RBM23: variants seen among roughly 807,000 people sequenced by gnomAD.
The protein encoded by RBM23 is probable RNA-binding protein 23.
Under a neutral mutation model 56.2 loss-of-function variants are expected in RBM23, and 53 were observed. The observed-to-expected ratio is 0.94, with a 90% CI of 0.76 to 1.19. RBM23 has a LOEUF of 1.19. Among genes scored for constraint, RBM23 ranks in the 50% most tolerant of loss-of-function variants. RBM23 has a pLI of 0.00. For synonymous variants in RBM23, 197 were observed against 198.5 expected (o/e 0.99, Z 0.06); for missense variants, 642 against 590.3 (o/e 1.09, Z -0.91).
chr14:22,912,982 G>A (rs1295490691), intron 1 of RBM23, among the ~76,000 whole-genome samples: 2 of 98,272 alleles, frequency 2.0e-5, no homozygotes, highest in Non-Finnish European at 3.6e-5. Context: ...CCTGGAGACA[G>A]AGTGAGATTC....
In RBM23 at chr14:22,899,598, C is replaced by T. The variant is rs1344443123; in HGVS notation, c.*2132G>A. On this transcript the variant is annotated 3_prime_UTR_variant, in exon 14 of 14. Coordinates refer to ENST00000359890, the MANE Select transcript of RBM23 (RefSeq NM_001077351.2). ...GTTTCACCATGTTGGCCAGGCTGGT[C>T]TTGAACTGACCTCGTGATCCACCCA... 1.3e-5 allele frequency: 2 copies of T among 152,324 alleles called. No individual in the cohort carries two copies. Among genetic ancestry groups the T allele is most frequent in the African/African-American group, 4.8e-5 (2 of 41,450 alleles). The allele number at this position is 152,324 out of a possible 1,614,324, so 9.4% of individuals were successfully genotyped here.
intron 1 of RBM23, among the ~76,000 whole-genome samples, chr14:22,913,113 A>T (rs2042862881): frequency 6.6e-6 from 1 of 150,412 alleles, no homozygotes; most frequent in Non-Finnish European, 1.5e-5. Context: ...GGAGAAAAAG[A>T]TTTTAAAAGG....
chr14:22,915,790 G>C (rs745420576), intron 1 of RBM23, among the ~76,000 whole-genome samples: 2 of 152,206 alleles, frequency 1.3e-5, no homozygotes, highest in Non-Finnish European at 2.9e-5. Context: ...CACTGTGCCC[G>C]GCCTTCTACT....
At chr14:22,911,449 C>T (rs1333332746) in intron 1 of RBM23, 46 bp from the exon 2 acceptor site, 10 of 1,504,574 alleles carry the variant, frequency 6.6e-6, no homozygotes, top group Middle Eastern at 1.7e-4. Context: ...TATATTTTTC[C>T]TCCCTTTCCA....
intron 10 of RBM23, 92 bp from the exon 11 acceptor site, chr14:22,902,474 A>AAATTGTATG: frequency 1.4e-6 from 2 of 1,478,640 alleles, no homozygotes; most frequent in Non-Finnish European, 1.8e-6. Context: ...TATCCCAGGA[A>AAATTGTATG]AATTGTATGC....
At chr14:22,909,974 G>C (rs1255354528) in intron 2 of RBM23, among the ~76,000 whole-genome samples, 1 of 151,230 alleles carries the variant, frequency 6.6e-6, no homozygotes, top group Non-Finnish European at 1.5e-5. Flanking sequence ...CCGACATGTC[G>C]AAACCCCATC....
At position 22,901,415 on chromosome 14, in the gene RBM23, T is replaced by G; in HGVS notation, c.*315A>C. Reference sequence around the variant, plus strand: ...TATGGCCTTCCCAATGGGGGAGAAATTGAGGAATCACTAAGGTGTTGGAAA... The same window carrying G: ...TATGGCCTTCCCAATGGGGGAGAAAGTGAGGAATCACTAAGGTGTTGGAAA... On this transcript the variant is annotated 3_prime_UTR_variant, in exon 14 of 14. Transcript: ENST00000359890. The G allele has an allele frequency of 6.1e-6, 3 of 490,850 alleles. No individual in the cohort carries two copies. Among genetic ancestry groups the G allele is most frequent in the Non-Finnish European group, 1.1e-5 (3 of 274,978 alleles). The allele number at this position is 490,850 out of a possible 1,614,324, so 30.4% of individuals were successfully genotyped here.
chr14:22,910,265 C>A (rs2042246772), intron 2 of RBM23, among the ~76,000 whole-genome samples: 1 of 146,936 alleles, frequency 6.8e-6, no homozygotes, highest in Non-Finnish European at 1.5e-5. Context: ...AGTTCCAGAC[C>A]AGCCTGACCA....
Position 22,894,829 on chromosome 14 carries a change from G to A in RBM23, c.*6901C>T, listed in dbSNP as rs1333161711. On this transcript the variant is annotated 3_prime_UTR_variant, in exon 14 of 14. Transcript: ENST00000359890. Reference sequence around the variant, plus strand: ...CCGAGGCGAGCGGATCACTAGGTCAGGAGATCGAAACCATCCTGGCTAAAA... The same window carrying A: ...CCGAGGCGAGCGGATCACTAGGTCAAGAGATCGAAACCATCCTGGCTAAAA... 1 of 151,624 alleles carries A rather than the reference G, an allele frequency of 6.6e-6. No homozygotes were observed. Among genetic ancestry groups the A allele is most frequent in the East Asian group, 2.0e-4 (1 of 5,100 alleles). The allele number at this position is 151,624 out of a possible 1,614,324, so 9.4% of individuals were successfully genotyped here. A position where few individuals can be genotyped will look rare whatever the true frequency, so the allele number is the denominator to read the frequency against.
chr14:22,905,357 G>T lies in RBM23; in HGVS notation c.552C>A (p.Asp184Glu), dbSNP rs781621411. The T allele has an allele frequency of 1.9e-6, 3 of 1,613,982 alleles. No individual in the cohort carries two copies. The African/African-American group carries it at 4.0e-5, about 22-fold the overall frequency. The change falls in exon 7 of 14, where the codon GAC becomes GAA. Residue 184 changes from aspartate to glutamate, a missense_variant. Physicochemically the swap from Asp to Glu is conservative, Grantham distance 45. Coordinates refer to ENST00000359890, the MANE Select transcript of RBM23 (RefSeq NM_001077351.2). ...AARIRPRDLE[D>E]FFSAVGKVRD... ...TTACCTTGCCTACAGCAGAGAAAAA[G>T]TCCTCCAGATCTCGAGGCCGAATTC...
chr14:22,904,174 A>G, intron 10 of RBM23, 87 bp downstream of exon 10: 1 of 1,607,442 alleles, frequency 6.2e-7, no homozygotes, highest in Non-Finnish European at 8.5e-7. Flanking sequence ...GACAGTTCCT[A>G]AAGGAGGAGG....
chr14:22,901,631 A>G lies in RBM23; in HGVS notation c.*99T>C, dbSNP rs1566517569. 2.6e-6 allele frequency: 4 copies of G among 1,519,786 alleles called. No individual in the cohort carries two copies. Among genetic ancestry groups the G allele is most frequent in the Non-Finnish European group, 3.6e-6 (4 of 1,096,780 alleles). The allele number at this position is 1,519,786 out of a possible 1,614,324, so 94.1% of individuals were successfully genotyped here. On this transcript the variant is annotated 3_prime_UTR_variant, in exon 14 of 14. Coordinates refer to ENST00000359890, the MANE Select transcript of RBM23 (RefSeq NM_001077351.2). ...CAGAGACAATGTCCATGCCCTCAGG[A>G]TGGCTTGGTCCACAAAATGGAGAAA... is the stretch of plus-strand genomic sequence containing the variant.
intron 10 of RBM23, chr14:22,903,382 A>G: frequency 4.1e-6 from 4 of 985,478 alleles, no homozygotes; most frequent in Non-Finnish European, 4.8e-6. Flanking sequence ...TATCTCAGTC[A>G]CACAGAGAGC....
chr14:22,907,281 G>A (rs1265822674), intron 4 of RBM23, among the ~76,000 whole-genome samples: 2 of 152,172 alleles, frequency 1.3e-5, no homozygotes, highest in African/African-American at 2.4e-5. Context: ...GGCAGAGGTT[G>A]CGGTGAGCCA....
At chr14:22,911,189 T>C in intron 2 of RBM23, 139 bp downstream of exon 2, 1 of 724,652 alleles carries the variant, frequency 1.4e-6, no homozygotes, top group Non-Finnish European at 2.3e-6. Flanking sequence ...TTACTAAGAC[T>C]ATGCCTTTTA....
rs149676496 is a variant in RBM23, at chr14:22,914,849, G to C, written c.-10-3446C>G. 5.8e-3 allele frequency among the ~76,000 whole-genome samples: 884 copies of C among 151,930 alleles called. 8 individuals carry two copies. The highest frequency in any genetic ancestry group is 0.02 in the African/African-American group (832 of 41,448). On this transcript the variant is annotated intron_variant, in intron 1 of 13. Coordinates refer to ENST00000359890, the MANE Select transcript of RBM23 (RefSeq NM_001077351.2). ...GACACAAAAATTAGCCGGGCATGGTGGTGGGCGCCTGTAGTCCCAGCTACT... is the reference window on the plus strand; with the variant it reads ...GACACAAAAATTAGCCGGGCATGGTCGTGGGCGCCTGTAGTCCCAGCTACT...
rs900569596 is a variant in RBM23 at position 22,893,361 on chromosome 14, G to C, written c.*8369C>G. The C allele has an allele frequency of 6.6e-6, 1 of 152,144 alleles. No homozygotes were observed. The highest frequency in any genetic ancestry group is 2.4e-5 in the African/African-American group (1 of 41,418). The allele number at this position is 152,144 out of a possible 1,614,324, so 9.4% of individuals were successfully genotyped here. A position where few individuals can be genotyped will look rare whatever the true frequency, so the allele number is the denominator to read the frequency against. ...TCTGCAATATGCCAATCAGTGTGCCGGGCCCAATGGGGAAAACAAATACAA... is the reference window on the plus strand; with the variant it reads ...TCTGCAATATGCCAATCAGTGTGCCCGGCCCAATGGGGAAAACAAATACAA... On this transcript the variant is annotated 3_prime_UTR_variant, in exon 14 of 14. Coordinates refer to ENST00000359890, the MANE Select transcript of RBM23 (RefSeq NM_001077351.2).
chr14:22,912,552 T>C (rs946178085), intron 1 of RBM23, among the ~76,000 whole-genome samples: 2 of 151,838 alleles, frequency 1.3e-5, no homozygotes, highest in East Asian at 1.9e-4. Flanking sequence ...AGAAAACCAA[T>C]AGGATAAATT....
At chr14:22,914,406 T>G (rs923751652) in intron 1 of RBM23, among the ~76,000 whole-genome samples, 8 of 150,912 alleles carry the variant, frequency 5.3e-5, no homozygotes, top group East Asian at 3.9e-4. Flanking sequence ...GCACTAGAAT[T>G]GCTTGAACCC....
Sources: gnomAD v4.1 joint callset for allele counts (sites outside exome capture counted in the v4.1 genomes callset) on GRCh38, gnomAD v4.1.1 for gene constraint, MANE v1.5 for transcripts, NCBI Gene and HGNC (gene_info 2026-07-23, HGNC 2026-07-21) for gene names.